USF2: variants seen among roughly 807,000 people sequenced by gnomAD.
USF2 encodes the protein upstream transcription factor 2, c-fos interacting.
Under a neutral mutation model 46.9 loss-of-function variants are expected in USF2, and 16 were observed. The ratio of observed to expected loss-of-function variants is 0.34; its 90% CI spans 0.23 to 0.52. The LOEUF is 0.52. Among genes scored for constraint, USF2 ranks in the 20% least tolerant of loss-of-function variants. USF2 has a pLI of 0.96. For synonymous variants in USF2, 239 were observed against 194.1 expected (o/e 1.23, Z -1.92); for missense variants, 411 against 474.0 (o/e 0.87, Z 1.23).
At chr19:35,270,182 G>A in intron 4 of USF2, 179 bp downstream of exon 4, 2 of 963,868 alleles carry the variant, frequency 2.1e-6, no homozygotes, top group Non-Finnish European at 2.9e-6. Context: ...CAGTGCTCTT[G>A]GAATTTTTTT....
chr19:35,270,530 A>G lies in USF2; in HGVS notation c.513A>G (p.Pro171=). ...VSGEARFAYF[P]ASSVGDTTAV... is the part of the protein sequence containing the mutation. Reference sequence around the variant, plus strand: ...GGGAGGCACGATTTGCCTATTTCCCAGCGTCCAGTGTGGGAGATACTACGG... The same window carrying G: ...GGGAGGCACGATTTGCCTATTTCCCGGCGTCCAGTGTGGGAGATACTACGG... Residue 171 remains proline, a synonymous_variant, in exon 5 of 10, where the codon CCA becomes CCG. Transcript: ENST00000222305. 1 of 1,614,180 alleles carries G rather than the reference A, an allele frequency of 6.2e-7. No individual in the cohort carries two copies. Among genetic ancestry groups the G allele is most frequent in the Non-Finnish European group, 8.5e-7 (1 of 1,180,012 alleles).
chr19:35,276,174 C>T (rs963239902), intron 7 of USF2, among the ~76,000 whole-genome samples: 1 of 146,270 alleles, frequency 6.8e-6, no homozygotes, highest in African/African-American at 2.5e-5. Context: ...TGGGTTCAAG[C>T]AATTCTCGTG....
At chr19:35,274,879 T>C (rs1432182257) in intron 7 of USF2, among the ~76,000 whole-genome samples, 1 of 152,214 alleles carries the variant, frequency 6.6e-6, no homozygotes, top group Non-Finnish European at 1.5e-5. Context: ...CCTTGCCCAG[T>C]GCCTTCCCCT....
intron 2 of USF2, 30 bp from the exon 3 acceptor site, chr19:35,269,551 T>A: frequency 6.4e-7 from 1 of 1,562,788 alleles, no homozygotes; most frequent in Non-Finnish European, 8.7e-7. Context: ...GGCGCGGCCC[T>A]GACCGTGCCC....
chr19:35,272,583 G>A (rs2145574629), intron 7 of USF2, among the ~76,000 whole-genome samples: 1 of 152,236 alleles, frequency 6.6e-6, no homozygotes, highest in South Asian at 2.1e-4. Context: ...GGAGGACCTT[G>A]GAAGAAGTCC....
intron 7 of USF2, among the ~76,000 whole-genome samples, chr19:35,272,460 A>ACACCGGGCAGAGGGAAGAGCTAGG (rs2066171289): frequency 1.3e-5 from 2 of 151,892 alleles, no homozygotes; most frequent in Non-Finnish European, 2.9e-5. Flanking sequence ...GAAGAGCTAG[A>ACACCGGGCAGAGGGAAGAGCTAGG]ACACAGGCCA....
At chr19:35,276,128 A>G (rs537146929) in intron 7 of USF2, among the ~76,000 whole-genome samples, 12 of 141,546 alleles carry the variant, frequency 8.5e-5, no homozygotes, top group East Asian at 4.0e-4. Flanking sequence ...CTGGTGTGCA[A>G]TGATGTGGTC....
intron 3 of USF2, 25 bp downstream of exon 3, chr19:35,269,724 ACGGGCGGG>A: frequency 2.3e-5 from 4 of 171,724 alleles, no homozygotes; most frequent in Admixed American, 1.9e-4. Flanking sequence ...GCGAGGGCGA[ACGGGCGGG>A]CGGGCGGGCG....
In USF2 at chr19:35,271,110, A is replaced by T. The variant is rs143155018; in HGVS notation, c.696A>T (p.Arg232=). ...AAATTGATGGAACCAGAACACCCCG[A>T]GATGAGAGGAGAAGAGCCCAGCACA... ...SPKIDGTRTP[R]DERRRAQHNE... The change falls in exon 7 of 10, where the codon CGA becomes CGT. Residue 232 remains arginine (R), a synonymous_variant. Coordinates refer to ENST00000222305, the MANE Select transcript of USF2 (RefSeq NM_003367.4). The T allele has an allele frequency of 8.7e-6, 14 of 1,613,798 alleles. No homozygotes were observed. In the African/African-American group the frequency reaches 1.6e-4, roughly 18 times the overall value.
At position 35,269,124 on chromosome 19, in the gene USF2, T is replaced by C; in HGVS notation, c.23T>C (p.Leu8Pro). The C allele has an allele frequency of 1.5e-6, 1 of 646,006 alleles. No homozygotes were observed. Among genetic ancestry groups the C allele is most frequent in the Non-Finnish European group, 1.9e-6 (1 of 523,638 alleles). 40.0% of individuals were successfully genotyped at this position (646,006 alleles called of 1,614,324 possible). A position where few individuals can be genotyped will look rare whatever the true frequency, so the allele number is the denominator to read the frequency against. Residue 8 changes from leucine (L) to proline (P), a missense_variant, in exon 1 of 10, where the codon CTG (leucine) becomes CCG (proline). This residue lies in a region of USF2 where 318 missense variants were observed against 322.4 expected (regional missense o/e 0.99). Coordinates refer to ENST00000222305, the MANE Select transcript of USF2 (RefSeq NM_003367.4). Reference sequence around the variant, plus strand: ...CCCATGGACATGCTGGACCCGGGTCTGGATCCCGCTGCCTCGGCCACCGCT... The same window carrying C: ...CCCATGGACATGCTGGACCCGGGTCCGGATCCCGCTGCCTCGGCCACCGCT... MDMLDPG[L>P]DPAASATAAA...
chr19:35,269,775 G>C, intron 3 of USF2, 28 bp from the exon 4 acceptor site: 1 of 1,488,624 alleles, frequency 6.7e-7, no homozygotes, highest in South Asian at 1.3e-5. Flanking sequence ...CCCCAGCGCC[G>C]GCCTCGCCGC....
chr19:35,270,493 A>G lies in USF2; in HGVS notation c.476A>G (p.Glu159Gly). The G allele has an allele frequency of 6.2e-7, 1 of 1,614,078 alleles. No individual in the cohort carries two copies. Among genetic ancestry groups the G allele is most frequent in the Non-Finnish European group, 8.5e-7 (1 of 1,180,016 alleles). The change falls in exon 5 of 10, where the codon GAG becomes GGG. Residue 159 changes from glutamate to glycine, a missense_variant. Physicochemically the swap from Glu to Gly is moderately conservative, Grantham distance 98. Around this residue, in one of 2 missense-constraint regions of USF2, gnomAD observed 318 missense variants for 322.4 expected, o/e 0.99. Transcript: ENST00000222305. ...PFSNGGSPAA[E>G]AVSGEARFAY... ...AGCAATGGTGGCAGTCCGGCGGCCG[A>G]GGCTGTCAGCGGGGAGGCACGATTT...
chr19:35,269,253 G>A, intron 1 of USF2, 90 bp downstream of exon 1: 2 of 959,472 alleles, frequency 2.1e-6, no homozygotes, highest in South Asian at 4.7e-5. Flanking sequence ...ATCCCGAGCG[G>A]CCGCGGGCCC....
At chr19:35,274,461 A>G (rs1459822854) in intron 7 of USF2, among the ~76,000 whole-genome samples, 1 of 152,170 alleles carries the variant, frequency 6.6e-6, no homozygotes, top group Non-Finnish European at 1.5e-5. Flanking sequence ...AAATGCCTGC[A>G]GGGGCCTGAG....
chr19:35,269,429 T>C lies in USF2; in HGVS notation c.63-17T>C. On this transcript the variant is annotated splice_polypyrimidine_tract_variant and intron_variant, in intron 1 of 9. Coordinates refer to ENST00000222305, the MANE Select transcript of USF2 (RefSeq NM_003367.4). Reference sequence around the variant, plus strand: ...CGCGGGCCGCGCTGACCCTGCTCCCTCCTGTGCCCCTGGCAGCCACGACAA... The same window carrying C: ...CGCGGGCCGCGCTGACCCTGCTCCCCCCTGTGCCCCTGGCAGCCACGACAA... 6.7e-7 allele frequency: 1 copy of C among 1,501,230 alleles called. No homozygotes were observed. Among genetic ancestry groups the C allele is most frequent in the Non-Finnish European group, 8.8e-7 (1 of 1,133,448 alleles). The allele number at this position is 1,501,230 out of a possible 1,614,324, so 93.0% of individuals were successfully genotyped here.
chr19:35,270,968 T>C, intron 6 of USF2, 115 bp from the exon 7 acceptor site: 1 of 1,484,696 alleles, frequency 6.7e-7, no homozygotes. Context: ...ATGTCTTTTG[T>C]TTTTGCAGAT....
intron 4 of USF2, 174 bp downstream of exon 4, chr19:35,270,177 C>A: frequency 3.1e-6 from 3 of 966,982 alleles, no homozygotes; most frequent in Non-Finnish European, 4.3e-6. Context: ...GGGGACAGTG[C>A]TCTTGGAATT....
intron 7 of USF2, among the ~76,000 whole-genome samples, chr19:35,274,867 G>T (rs2066210276): frequency 6.6e-6 from 1 of 152,202 alleles, no homozygotes; most frequent in African/African-American, 2.4e-5. Flanking sequence ...CTGAAGGGTG[G>T]CCCTTGCCCA....
In USF2 at chr19:35,270,608, G is replaced by C. The variant is rs1474971524; in HGVS notation, c.580+11G>C. The C allele has an allele frequency of 6.2e-7, 1 of 1,612,810 alleles. No individual in the cohort carries two copies. The highest frequency in any genetic ancestry group is 1.1e-5 in the South Asian group (1 of 91,060). On this transcript the variant is annotated intron_variant, in intron 5 of 9. Transcript: ENST00000222305. ...GCTTGCAGGCTGGAGGTGAGGAGTA[G>C]AAGTCAGATTGGCAGGTGGGGGAGG...
Sources: gnomAD v4.1 joint callset for allele counts (sites outside exome capture counted in the v4.1 genomes callset) on GRCh38, gnomAD v4.1.1 for gene constraint, gnomAD v4.1.1 regional missense constraint, MANE v1.5 for transcripts, NCBI Gene and HGNC (gene_info 2026-07-23, HGNC 2026-07-21) for gene names.